The following SETD1B variants were observed in gnomAD, a reference collection of about 807,000 sequenced individuals.
SETD1B encodes the protein histone-lysine N-methyltransferase SETD1B.
Under a neutral mutation model 148.0 loss-of-function variants are expected in SETD1B, and 7 were observed. The ratio of observed to expected loss-of-function variants is 0.05; its 90% CI spans 0.03 to 0.09. The LOEUF is 0.09. Ranked by LOEUF, SETD1B falls within the 10% of genes least tolerant of loss-of-function variation. SETD1B has a pLI of 1.00. For synonymous variants in SETD1B, 1,361 were observed against 1,186.5 expected (o/e 1.15, Z -3.02); for missense variants, 2,155 against 2,729.9 (o/e 0.79, Z 4.69).
the SETD1B span, among the ~76,000 whole-genome samples, chr12:121,796,967 G>A: frequency 2.6e-5 from 4 of 152,016 alleles, no homozygotes; most frequent in Non-Finnish European, 5.9e-5. Context: ...AACCCTGGAG[G>A]CGGAGGTTGC....
chr12:121,795,953 G>A, the SETD1B span: 1 of 152,074 alleles, frequency 6.6e-6, no homozygotes, highest in South Asian at 2.1e-4. Flanking sequence ...CAGAACAGCT[G>A]ATACTGGCCC....
chr12:121,805,669 A>C lies in SETD1B; in HGVS notation c.274-166A>C, dbSNP rs1252679456. The stretch of plus-strand genomic sequence containing the variant: ...CCGCTTCCCGGGCCCGCCCGCGTGC[A>C]TTTTTTTTTTCCAAAAAAAATTTTT... On this transcript the variant is annotated intron_variant, in intron 3 of 16. Coordinates refer to ENST00000604567, the MANE Select transcript of SETD1B (RefSeq NM_001353345.2). This position sits in a 1 kb window ranked among gnomAD's most constrained non-coding sequence, Gnocchi z 4.2. 1.5e-5 allele frequency among the ~76,000 whole-genome samples: 2 copies of C among 131,358 alleles called. No individual in the cohort carries two copies. The highest frequency in any genetic ancestry group is 5.8e-5 in the African/African-American group (2 of 34,710). The allele number at this position is 131,358 out of a possible 152,430, so 86.2% of individuals were successfully genotyped here.
In SETD1B at chr12:121,823,337, T is replaced by TCCCCCC; in HGVS notation, c.4760_4765dup (p.Pro1587_Pro1588dup). ...GGATCCCAGCCCCTCCACCACCCCT[T>TCCCCCC]CCCCCCCAGCCACCCCCACCCCCAC... is the stretch of plus-strand genomic sequence containing the variant. On this transcript the variant is annotated inframe_insertion, in exon 12 of 17. Transcript: ENST00000604567. 7 of 809,468 alleles carry TCCCCCC rather than the reference T, an allele frequency of 8.6e-6. No homozygotes were observed. The highest frequency in any genetic ancestry group is 5.7e-5 in the East Asian group (1 of 17,468). The allele number at this position is 809,468 out of a possible 1,614,324, so 50.1% of individuals were successfully genotyped here.
At chr12:121,828,383 C>T (rs1291317633) in intron 16 of SETD1B, among the ~76,000 whole-genome samples, 2 of 152,242 alleles carry the variant, frequency 1.3e-5, no homozygotes, top group Admixed American at 6.5e-5. Context: ...TTTCTCCGTG[C>T]CTTCATTGGT....
At position 121,809,746 on chromosome 12, in the gene SETD1B, C is replaced by T; in HGVS notation, c.801C>T (p.Asn267=). 6.4e-7 allele frequency: 1 copy of T among 1,551,626 alleles called. No homozygotes were observed. The highest frequency in any genetic ancestry group is 8.7e-7 in the Non-Finnish European group (1 of 1,146,988). Residue 267 remains asparagine (N), a synonymous_variant, in exon 6 of 17, where the codon AAC becomes AAT. Coordinates refer to ENST00000604567, the MANE Select transcript of SETD1B (RefSeq NM_001353345.2). The stretch of plus-strand genomic sequence containing the variant: ...CCAGCTGCCGCCTGGACACACCCAA[C>T]TCCTATGGACAGGGCACCCCGCTCA... The part of the protein sequence containing the change: ...AYSSCRLDTP[N]SYGQGTPLTP...
At chr12:121,818,383 T>G (rs1362529586) in intron 10 of SETD1B, among the ~76,000 whole-genome samples, 1 of 151,296 alleles carries the variant, frequency 6.6e-6, no homozygotes, top group Non-Finnish European at 1.5e-5. Flanking sequence ...GCCAACATGG[T>G]GAAACCCCGT....
In SETD1B at chr12:121,830,036, G is replaced by T; in HGVS notation, c.5728-30G>T. On this transcript the variant is annotated intron_variant, in intron 16 of 16. Transcript: ENST00000604567. This position sits in a 1 kb window ranked among gnomAD's most constrained non-coding sequence, Gnocchi z 5.7. ...TGGTGGGGGACCCTGGGGGACCAGG[G>T]GCTCATTCTCCCCCCCACCTTGCCT... 1 of 1,539,360 alleles carries T rather than the reference G, an allele frequency of 6.5e-7. No individual in the cohort carries two copies.
In SETD1B at chr12:121,806,121, G is replaced by C; in HGVS notation, c.544+16G>C. 6.5e-7 allele frequency: 1 copy of C among 1,549,128 alleles called. No individual in the cohort carries two copies. On this transcript the variant is annotated intron_variant, in intron 4 of 16. Transcript: ENST00000604567. ...GACACCAAAGGTGAGCCTGGCAGGG[G>C]AGGAGCGTGGGGAGACCTGTCAGCC...
the SETD1B span, among the ~76,000 whole-genome samples, chr12:121,790,170 G>A: frequency 6.6e-5 from 10 of 152,190 alleles, no homozygotes; most frequent in Admixed American, 2.6e-4. Flanking sequence ...GGCCTTCCAC[G>A]AGGGCCCCTG....
chr12:121,822,952 G>A lies in SETD1B; in HGVS notation c.4373G>A (p.Arg1458His), dbSNP rs769688790. 25 of 1,537,444 alleles carry A rather than the reference G, an allele frequency of 1.6e-5. No individual in the cohort carries two copies. Among genetic ancestry groups the A allele is most frequent in the African/African-American group, 2.7e-5 (2 of 72,780 alleles). Residue 1458 changes from arginine to histidine, a missense_variant, in exon 12 of 17, where the codon CGC (arginine) becomes CAC (histidine). Physicochemically the swap from Arg to His is conservative, Grantham distance 29 (BLOSUM62 0). Transcript: ENST00000604567. ...CTCCCCACTGGCCGACGCGATGAAC[G>A]CTCCGGGCCCCTGGCCTCCCCGGTG... is the stretch of plus-strand genomic sequence containing the variant. Reference protein sequence around the residue: ...CPLPTGRRDERSGPLASPVLL... With the variant: ...CPLPTGRRDEHSGPLASPVLL...
chr12:121,817,024 C>T lies in SETD1B; in HGVS notation c.2716-9C>T, dbSNP rs369993612. On this transcript the variant is annotated splice_polypyrimidine_tract_variant and intron_variant, in intron 7 of 16. Coordinates refer to ENST00000604567, the MANE Select transcript of SETD1B (RefSeq NM_001353345.2). The surrounding 1 kb of genome is among the most constrained non-coding windows in gnomAD (Gnocchi z 8.1). ...AAGCGGTGACGGTCCCCTCCTGTCT[C>T]CACCCCAGGCCTCGCTGACCCCGGT... 2.0e-6 allele frequency: 3 copies of T among 1,502,268 alleles called. No homozygotes were observed. The highest frequency in any genetic ancestry group is 2.7e-6 in the Non-Finnish European group (3 of 1,118,312). 93.1% of individuals were successfully genotyped at this position (1,502,268 alleles called of 1,614,324 possible).
Position 121,830,384 on chromosome 12 carries a change from C to A in SETD1B, c.*145C>A. ...AGCGGCCATTCAGGGCCTGGCGCCC[C>A]ACACTACCCCCTGGAGCCCCTGGCT... On this transcript the variant is annotated 3_prime_UTR_variant, in exon 17 of 17. Coordinates refer to ENST00000604567, the MANE Select transcript of SETD1B (RefSeq NM_001353345.2). The surrounding 1 kb of genome is among the most constrained non-coding windows in gnomAD (Gnocchi z 5.7). 1 of 720,402 alleles carries A rather than the reference C, an allele frequency of 1.4e-6. No homozygotes were observed. The highest frequency in any genetic ancestry group is 3.0e-5 in the Admixed American group (1 of 32,930). The allele number at this position is 720,402 out of a possible 1,614,324, so 44.6% of individuals were successfully genotyped here. A position where few individuals can be genotyped will look rare whatever the true frequency, so the allele number is the denominator to read the frequency against.
rs1875866008 is a variant in SETD1B at position 121,808,724 on chromosome 12, G to A, written c.657+404G>A. Reference sequence around the variant, plus strand: ...CCTAAACCCAGAAACCAGAGTTCATGCCCTGCCTTCCAGAGCAAGGCTGAC... The same window carrying A: ...CCTAAACCCAGAAACCAGAGTTCATACCCTGCCTTCCAGAGCAAGGCTGAC... On this transcript the variant is annotated intron_variant, in intron 5 of 16. Transcript: ENST00000604567. This position sits in a 1 kb window ranked among gnomAD's most constrained non-coding sequence, Gnocchi z 5.3. Among the ~76,000 whole-genome samples the A allele has an allele frequency of 1.3e-5, 2 of 152,230 alleles. No homozygotes were observed. The highest frequency in any genetic ancestry group is 1.3e-4 in the Admixed American group (2 of 15,284).
the SETD1B span, among the ~76,000 whole-genome samples, chr12:121,791,947 G>C: frequency 6.6e-6 from 1 of 152,176 alleles, no homozygotes; most frequent in East Asian, 1.9e-4. Context: ...TACTACCCCC[G>C]GGCCACGCCC....
rs776301135 is a variant in SETD1B at position 121,822,777 on chromosome 12, T to C, written c.4198T>C (p.Ser1400Pro). The stretch of plus-strand genomic sequence containing the variant: ...GGGCAGCAGTGGCCTGTCCCTGAGC[T>C]CTCCGCAAGTGCCCGGCAGCCCCTT... ...SGGSSGLSLS[S>P]PQVPGSPFSY... is the part of the protein sequence containing the mutation. The change falls in exon 12 of 17, where the codon TCT becomes CCT. Residue 1400 changes from serine to proline, a missense_variant. By Grantham distance (74) the Ser-to-Pro change is moderately conservative. Transcript: ENST00000604567. 9.2e-6 allele frequency: 14 copies of C among 1,513,880 alleles called. No individual in the cohort carries two copies. Among genetic ancestry groups the C allele is most frequent in the Non-Finnish European group, 1.2e-5 (14 of 1,125,064 alleles). The allele number at this position is 1,513,880 out of a possible 1,614,324, so 93.8% of individuals were successfully genotyped here.
chr12:121,818,466 G>A (rs1241938331), intron 10 of SETD1B, among the ~76,000 whole-genome samples: 1 of 152,054 alleles, frequency 6.6e-6, no homozygotes, highest in African/African-American at 2.4e-5. Flanking sequence ...GGGAGGCTGA[G>A]GCAGGAGAAT....
Position 121,814,867 on chromosome 12 carries a change from G to A in SETD1B, c.2652G>A (p.Met884Ile). 6.4e-7 allele frequency: 1 copy of A among 1,551,580 alleles called. No individual in the cohort carries two copies. The highest frequency in any genetic ancestry group is 8.7e-7 in the Non-Finnish European group (1 of 1,146,918). Reference sequence around the variant, plus strand: ...TGAAGCGTGACCTGAACCGCAAGATGGTGGAAGTGGTGGCTTTCCGGGCCT... The same window carrying A: ...TGAAGCGTGACCTGAACCGCAAGATAGTGGAAGTGGTGGCTTTCCGGGCCT... The part of the protein sequence containing the change: ...AIMKRDLNRK[M>I]VEVVAFRAFD... The change falls in exon 7 of 17, where the codon ATG becomes ATA. Residue 884 changes from methionine to isoleucine, a missense_variant. By Grantham distance (10) the Met-to-Ile change is conservative (BLOSUM62 1). This residue lies in a region of SETD1B where 289 missense variants were observed against 423.7 expected (regional missense o/e 0.68). Transcript: ENST00000604567.
At chr12:121,800,672 G>GGCCGCC (rs1875298891), upstream of SETD1B, 8 of 149,480 alleles carry the variant, frequency 5.4e-5, no homozygotes, top group South Asian at 1.7e-3. Context: ...GGCGCGCGGC[G>GGCCGCC]GCCGCCACCG....
chr12:121,793,574 C>CAA, the SETD1B span: 1 of 1,553,348 alleles, frequency 6.4e-7, no homozygotes, highest in South Asian at 1.2e-5. Flanking sequence ...TCACGATCTT[C>CAA]AGCTCCTTCC....
Sources: allele counts gnomAD v4.1 joint callset (sites outside exome capture counted in the v4.1 genomes callset), GRCh38; gene constraint gnomAD v4.1.1; regional missense constraint gnomAD v4.1.1; non-coding constraint Gnocchi (gnomAD v3.1); transcripts MANE v1.5; gene names NCBI Gene and HGNC (gene_info 2026-07-23, HGNC 2026-07-21).